The following PPM1B variants were observed in gnomAD, a reference collection of about 807,000 sequenced individuals.
PPM1B encodes protein phosphatase 1B.
Under a neutral mutation model 43.0 loss-of-function variants are expected in PPM1B, and 22 were observed. The observed-to-expected ratio is 0.51, with a 90% confidence interval of 0.37 to 0.73. PPM1B has a LOEUF of 0.73. PPM1B is among the 30% of genes least tolerant of loss of function. The probability of loss-of-function intolerance (pLI) is 0.00; values close to 1 mark genes in which losing one functional copy is unlikely to be tolerated. For synonymous variants in PPM1B, 217 were observed against 197.9 expected (o/e 1.10, Z -0.81); for missense variants, 632 against 584.2 (o/e 1.08, Z -0.84).
intron 1 of PPM1B, among the ~76,000 whole-genome samples, chr2:44,178,280 C>G (rs1667682004): frequency 6.6e-6 from 1 of 151,680 alleles, no homozygotes; most frequent in African/African-American, 2.4e-5. Flanking sequence ...TAATTTTAAT[C>G]AATGGTCTAA....
At chr2:44,192,145 G>C (rs1325309619) in intron 1 of PPM1B, among the ~76,000 whole-genome samples, 1 of 146,226 alleles carries the variant, frequency 6.8e-6, no homozygotes, top group African/African-American at 2.5e-5. Flanking sequence ...ACAATTTTCT[G>C]TCATTTTAAT....
Position 44,240,453 on chromosome 2 carries a change from A to T in PPM1B, n.1547-3775A>T, listed in dbSNP as rs1048734826. Among the ~76,000 whole-genome samples, 7 of 145,186 alleles carry T rather than the reference A, an allele frequency of 4.8e-5. 1 individual carries two copies. The highest frequency in any genetic ancestry group is 1.1e-4 in the Non-Finnish European group (7 of 65,142). On this transcript the variant is annotated intron_variant and non_coding_transcript_variant, in intron 5 of 5. Coordinates refer to the PPM1B transcript ENST00000378540. ...GCAAATGGAAAACTCTGTAATGATT[A>T]TTTTTTTCCCTTTTTCTTTTTTTCA...
chr2:44,209,353 T>C (rs781183205), intron 3 of PPM1B, 26 bp downstream of exon 3: 92 of 1,612,592 alleles, frequency 5.7e-5, no homozygotes, highest in Non-Finnish European at 7.6e-5. Context: ...TTTAAAAATA[T>C]AGACAGGCCA....
chr2:44,177,936 A>G (rs77918036), intron 1 of PPM1B, among the ~76,000 whole-genome samples: 2 of 137,574 alleles, frequency 1.5e-5, no homozygotes, highest in East Asian at 2.1e-4. Context: ...TTTTTTTTTA[A>G]TAAGACAGTC....
intron 5 of PPM1B, among the ~76,000 whole-genome samples, chr2:44,229,583 A>G (rs763299568): frequency 2.0e-5 from 3 of 152,200 alleles, no homozygotes; most frequent in South Asian, 2.1e-4. Context: ...TTTTTCCTGT[A>G]AACTGGGAAT....
downstream of PPM1B, among the ~76,000 whole-genome samples, chr2:44,246,184 C>T (rs1212278010): frequency 3.9e-5 from 6 of 152,278 alleles, no homozygotes; most frequent in East Asian, 1.2e-3. Flanking sequence ...TTATGGGTAG[C>T]AGAACTGTCT....
chr2:44,219,813 C>T (rs1462349647), intron 5 of PPM1B, among the ~76,000 whole-genome samples: 2 of 151,794 alleles, frequency 1.3e-5, no homozygotes, highest in African/African-American at 2.4e-5. Context: ...CATGGTGGCG[C>T]ATGTCTGTAA....
chr2:44,188,759 C>T (rs1029642115), intron 1 of PPM1B, among the ~76,000 whole-genome samples: 2 of 146,930 alleles, frequency 1.4e-5, no homozygotes, highest in Non-Finnish European at 3.0e-5. Flanking sequence ...TCCTTCCTTC[C>T]TTCTTTCCTT....
chr2:44,226,192 G>T (rs1387545934), intron 5 of PPM1B, among the ~76,000 whole-genome samples: 1 of 151,788 alleles, frequency 6.6e-6, no homozygotes, highest in East Asian at 1.9e-4. Flanking sequence ...AGCCAGGATG[G>T]TGTCCATCTC....
intron 1 of PPM1B, among the ~76,000 whole-genome samples, chr2:44,180,236 C>G (rs1438235398): frequency 6.6e-6 from 1 of 152,020 alleles, no homozygotes; most frequent in African/African-American, 2.4e-5. Context: ...TCTTTCTTTC[C>G]TCACTTAGGA....
intron 1 of PPM1B, among the ~76,000 whole-genome samples, chr2:44,186,454 C>T (rs189027296): frequency 6.6e-6 from 1 of 152,294 alleles, no homozygotes; most frequent in Non-Finnish European, 1.5e-5. Context: ...CTGCACCCTC[C>T]ACCTCCTGGG....
At chr2:44,182,473 C>T (rs1476781168) in intron 1 of PPM1B, among the ~76,000 whole-genome samples, 1 of 152,078 alleles carries the variant, frequency 6.6e-6, no homozygotes, top group Non-Finnish European at 1.5e-5. Flanking sequence ...GTTGGTCAGG[C>T]TGGTCTCAAA....
chr2:44,202,153 C>A, intron 2 of PPM1B, 108 bp downstream of exon 2: 1 of 1,132,914 alleles, frequency 8.8e-7, no homozygotes, highest in Non-Finnish European at 1.2e-6. Context: ...TTCACAGAAG[C>A]TGTATATTTT....
chr2:44,240,744 T>A (rs1228484607), intron 5 of PPM1B, among the ~76,000 whole-genome samples: 1 of 145,586 alleles, frequency 6.9e-6, no homozygotes, highest in Non-Finnish European at 1.5e-5. Flanking sequence ...AGCCTACTAG[T>A]ACCCATTAGC....
At chr2:44,203,843 AT>A (rs1486683670) in intron 2 of PPM1B, among the ~76,000 whole-genome samples, 4 of 152,214 alleles carry the variant, frequency 2.6e-5, no homozygotes, top group Non-Finnish European at 4.4e-5. Flanking sequence ...GTGTTAGTAG[AT>A]TAACTCACTT....
At chr2:44,232,545 T>G, downstream of PPM1B, 1 of 1,415,944 alleles carries the variant, frequency 7.1e-7, no homozygotes, top group Non-Finnish European at 9.2e-7. Flanking sequence ...TTGCCTGTAC[T>G]ACAGTATTTT....
chr2:44,231,523 G>T, downstream of PPM1B: 19 of 870,782 alleles, frequency 2.2e-5, no homozygotes, highest in Non-Finnish European at 2.6e-5. Flanking sequence ...ACCAAGTTTG[G>T]TATATTGGAA....
intron 3 of PPM1B, among the ~76,000 whole-genome samples, chr2:44,214,217 C>T (rs1240071639): frequency 6.6e-6 from 1 of 152,120 alleles, no homozygotes; most frequent in Non-Finnish European, 1.5e-5. Context: ...GTAGCTGGGA[C>T]TACAGATGCC....
At chr2:44,245,092 T>C (rs1288762450), downstream of PPM1B, among the ~76,000 whole-genome samples, 1 of 152,094 alleles carries the variant, frequency 6.6e-6, no homozygotes, top group Non-Finnish European at 1.5e-5. Flanking sequence ...AACTACATTT[T>C]CTAGGCGCTT....
Sources: gnomAD v4.1 joint callset for allele counts (sites outside exome capture counted in the v4.1 genomes callset) on GRCh38, gnomAD v4.1.1 for gene constraint, MANE v1.5 for transcripts, NCBI Gene and HGNC (gene_info 2026-07-23, HGNC 2026-07-21) for gene names.